Variants in NAALADL2 observed in about 807,000 individuals in gnomAD.
The protein encoded by NAALADL2 is inactive N-acetylated-alpha-linked acidic dipeptidase-like protein 2.
A neutral mutation model predicts 87.2 loss-of-function variants in NAALADL2; 76 were observed. That is an observed-to-expected ratio of 0.87 (90% CI 0.72 to 1.05). The LOEUF is 1.05. Ranked by LOEUF, NAALADL2 falls within the 50% of genes least tolerant of loss-of-function variation. The pLI, the probability that NAALADL2 is intolerant of heterozygous loss-of-function variation, is 0.00. For synonymous variants in NAALADL2, 354 were observed against 331.0 expected, an observed-to-expected ratio of 1.07 and a Z score of -0.75; for missense variants, 1,089 against 945.8, an observed-to-expected ratio of 1.15 and a Z score of -1.99.
chr3:174,713,949 C>A (rs1419074222), intron 2 of NAALADL2, among the ~76,000 whole-genome samples: 1 of 152,094 alleles, frequency 6.6e-6, no homozygotes, highest in Non-Finnish European at 1.5e-5. Context: ...ACATTTAAGT[C>A]TTTAATCCAT....
chr3:174,831,710 A>G (rs1722713703), intron 3 of NAALADL2, among the ~76,000 whole-genome samples: 1 of 151,196 alleles, frequency 6.6e-6, no homozygotes. Context: ...TACCTCTGGT[A>G]GAATTCGGCT....
intron 2 of NAALADL2, among the ~76,000 whole-genome samples, chr3:175,123,893 A>G (rs1019512856): frequency 5.9e-5 from 9 of 152,018 alleles, no homozygotes; most frequent in African/African-American, 9.7e-5. Context: ...GAACAAAGCT[A>G]TATGTTATTC....
intron 1 of NAALADL2, among the ~76,000 whole-genome samples, chr3:174,880,225 T>A (rs1032132074): frequency 6.6e-6 from 1 of 152,054 alleles, no homozygotes; most frequent in Non-Finnish European, 1.5e-5. Flanking sequence ...CTGGGTATGA[T>A]TAAACATCTC....
intron 1 of NAALADL2, among the ~76,000 whole-genome samples, chr3:174,540,101 A>G (rs1722082807): frequency 6.6e-6 from 1 of 150,982 alleles, no homozygotes; most frequent in Non-Finnish European, 1.5e-5. Flanking sequence ...AGACTAATGG[A>G]GGAGTACAAA....
intron 12 of NAALADL2, among the ~76,000 whole-genome samples, chr3:175,743,305 G>A (rs548832449): frequency 4.0e-4 from 61 of 152,268 alleles, no homozygotes; most frequent in African/African-American, 1.3e-3. Context: ...CCGGCCCAGA[G>A]AATTCTTTTA....
chr3:175,455,447 C>T (rs1722187099), intron 6 of NAALADL2, among the ~76,000 whole-genome samples: 1 of 151,908 alleles, frequency 6.6e-6, no homozygotes. Context: ...AAAAAATTGT[C>T]AATTTTTACA....
At chr3:175,731,646 G>A (rs1433876383) in intron 11 of NAALADL2, among the ~76,000 whole-genome samples, 1 of 152,140 alleles carries the variant, frequency 6.6e-6, no homozygotes, top group Non-Finnish European at 1.5e-5. Context: ...TCTTCCTCTT[G>A]CTTACGAAGC....
At chr3:175,605,493 G>T (rs73171418) in intron 10 of NAALADL2, among the ~76,000 whole-genome samples, 2,911 of 152,102 alleles carry the variant, frequency 0.019, 52 homozygotes, top group South Asian at 0.032. Context: ...AACTGAGTTG[G>T]TCAGAAAAAA....
chr3:175,387,044 T>C (rs912251543), intron 5 of NAALADL2, among the ~76,000 whole-genome samples: 2 of 152,172 alleles, frequency 1.3e-5, no homozygotes, highest in African/African-American at 2.4e-5. Flanking sequence ...ATGAGTGTTA[T>C]ATCTGTCAAA....
At chr3:175,360,557 G>T in intron 5 of NAALADL2, among the ~76,000 whole-genome samples, 1 of 151,996 alleles carries the variant, frequency 6.6e-6, no homozygotes, top group Non-Finnish European at 1.5e-5. Flanking sequence ...GTGGACAGGA[G>T]ATATAAGTGT....
At chr3:174,465,654 TA>T (rs1163247357) in intron 1 of NAALADL2, among the ~76,000 whole-genome samples, 1 of 152,204 alleles carries the variant, frequency 6.6e-6, no homozygotes, top group Non-Finnish European at 1.5e-5. Flanking sequence ...GTTTTTCTTT[TA>T]ATACTTTTGT....
intron 2 of NAALADL2, among the ~76,000 whole-genome samples, chr3:174,719,422 A>G (rs2108945560): frequency 6.6e-6 from 1 of 152,282 alleles, no homozygotes; most frequent in African/African-American, 2.4e-5. Context: ...GATTTTCTTG[A>G]TTTCAAAAGA....
At chr3:174,871,720 A>G (rs9813758) in intron 1 of NAALADL2, among the ~76,000 whole-genome samples, 40,644 of 151,956 alleles carry the variant, frequency 0.27, 5,489 homozygotes, top group Admixed American at 0.33. Context: ...CCAACATGGC[A>G]AAACCCTGTG....
At chr3:175,268,087 A>T (rs1012476715) in intron 4 of NAALADL2, among the ~76,000 whole-genome samples, 2 of 152,204 alleles carry the variant, frequency 1.3e-5, no homozygotes, top group Non-Finnish European at 2.9e-5. Context: ...AAGGGGATAC[A>T]TTCTCAGAAA....
At chr3:174,803,950 G>A (rs1259448339) in intron 3 of NAALADL2, among the ~76,000 whole-genome samples, 5 of 152,038 alleles carry the variant, frequency 3.3e-5, no homozygotes, top group East Asian at 1.9e-4. Flanking sequence ...GTGGCTATGC[G>A]GGCTCTTTTT....
intron 10 of NAALADL2, 124 bp downstream of exon 10, chr3:175,576,311 G>A: frequency 1.2e-6 from 1 of 828,010 alleles, no homozygotes; most frequent in Non-Finnish European, 1.9e-6. Context: ...GCTTCATTTA[G>A]AGAGTTATTC....
chr3:174,922,900 T>C (rs957911011), intron 1 of NAALADL2, among the ~76,000 whole-genome samples: 2 of 152,202 alleles, frequency 1.3e-5, no homozygotes, highest in Non-Finnish European at 2.9e-5. Flanking sequence ...CTGGTGGTAT[T>C]AACCTGATCA....
At chr3:175,602,039 T>A (rs1723039575) in intron 10 of NAALADL2, among the ~76,000 whole-genome samples, 1 of 152,184 alleles carries the variant, frequency 6.6e-6, no homozygotes, top group Non-Finnish European at 1.5e-5. Flanking sequence ...TATACTTTTG[T>A]GATTGTATAT....
intron 1 of NAALADL2, among the ~76,000 whole-genome samples, chr3:174,547,609 T>G (rs1042236413): frequency 6.6e-6 from 1 of 152,058 alleles, no homozygotes; most frequent in African/African-American, 2.4e-5. Context: ...CACATAAAAG[T>G]CATTTTCCTT....
Sources: gnomAD v4.1 joint callset for allele counts (sites outside exome capture counted in the v4.1 genomes callset) on GRCh38, gnomAD v4.1.1 for gene constraint, MANE v1.5 for transcripts, NCBI Gene and HGNC (gene_info 2026-07-23, HGNC 2026-07-21) for gene names.